Variants in MINAR1 observed in about 807,000 individuals in gnomAD.
MINAR1 encodes major intrinsically disordered Notch2-binding receptor 1.
In MINAR1, 40 loss-of-function variants were observed where a neutral mutation model predicts 65.1. The ratio of observed to expected loss-of-function variants is 0.61; its 90% CI spans 0.48 to 0.80. The LOEUF is 0.80. MINAR1 is among the 30% of genes least tolerant of loss of function. MINAR1 has a pLI of 0.00. For missense variants in MINAR1, 1,128 were observed against 1,148.0 expected, an observed-to-expected ratio of 0.98 and a Z score of 0.25; for synonymous variants, 482 against 449.1, an observed-to-expected ratio of 1.07 and a Z score of -0.93.
chr15:79,462,234 A>G (rs1323026623), intron 2 of MINAR1, among the ~76,000 whole-genome samples: 1 of 152,172 alleles, frequency 6.6e-6, no homozygotes, highest in African/African-American at 2.4e-5. Context: ...TTAGCAGAGG[A>G]GCCAGATGGG....
chr15:79,423,147 A>G, the MINAR1 span: 1 of 152,258 alleles, frequency 6.6e-6, no homozygotes, highest in African/African-American at 2.4e-5. Flanking sequence ...ACCATAAAAC[A>G]TAAGATAACT....
chr15:79,472,012 A>C lies in MINAR1; in HGVS notation c.*3628A>C, dbSNP rs1004685009. ...CAACAAACTTCCTTATTTATGCCTT[A>C]TGAATAAAAGAGTGTGGAATGTAAG... is the stretch of plus-strand genomic sequence containing the variant. On this transcript the variant is annotated 3_prime_UTR_variant, in exon 4 of 4. Transcript: ENST00000305428. 1.3e-5 allele frequency: 2 copies of C among 152,234 alleles called. 1 individual carries two copies. The highest frequency in any genetic ancestry group is 4.1e-4 in the South Asian group (2 of 4,826). 9.4% of individuals were successfully genotyped at this position (152,234 alleles called of 1,614,324 possible).
At chr15:79,444,104 C>T (rs896010823) in intron 1 of MINAR1, among the ~76,000 whole-genome samples, 9 of 152,174 alleles carry the variant, frequency 5.9e-5, no homozygotes, top group African/African-American at 2.2e-4. Flanking sequence ...CCCGGGTTCA[C>T]ACATGCCTTA....
At chr15:79,462,782 T>C (rs1044818704) in intron 2 of MINAR1, among the ~76,000 whole-genome samples, 18 of 152,232 alleles carry the variant, frequency 1.2e-4, no homozygotes, top group African/African-American at 4.1e-4. Flanking sequence ...TCCATTTTCC[T>C]ACCTGTACAA....
Position 79,457,768 on chromosome 15 carries a change from T to C in MINAR1, c.1621T>C (p.Cys541Arg), listed in dbSNP as rs377131236. 16 of 1,614,076 alleles carry C rather than the reference T, an allele frequency of 9.9e-6. No homozygotes were observed. In the African/African-American group the frequency reaches 2.0e-4, roughly 20 times the overall value. The stretch of plus-strand genomic sequence containing the variant: ...CTCCACGGGAGTGATACAGTCGTCC[T>C]GCTACAACAGCACAGGATCCTTGTC... ...SGSTGVIQSS[C>R]YNSTGSLSQL... The change falls in exon 2 of 4, where the codon TGC (cysteine) becomes CGC (arginine). Residue 541 changes from cysteine to arginine, a missense_variant. Cys to Arg is a radical substitution (Grantham distance 180). Coordinates refer to ENST00000305428, the MANE Select transcript of MINAR1 (RefSeq NM_015206.3).
At chr15:79,431,323 C>A (rs1894430091), upstream of MINAR1, among the ~76,000 whole-genome samples, 1 of 152,132 alleles carries the variant, frequency 6.6e-6, no homozygotes, top group African/African-American at 2.4e-5. Context: ...CGTGAGCTTC[C>A]CCAGCCACAG....
chr15:79,458,497 G>A (rs74625442), intron 2 of MINAR1, 52 bp downstream of exon 2: 20,390 of 1,568,074 alleles, frequency 0.013, 184 homozygotes, highest in Middle Eastern at 0.023. Context: ...TCATAGCCCT[G>A]GTGTATTTCA....
At chr15:79,442,812 A>T (rs781429716) in intron 1 of MINAR1, among the ~76,000 whole-genome samples, 1 of 152,164 alleles carries the variant, frequency 6.6e-6, no homozygotes, top group Non-Finnish European at 1.5e-5. Context: ...AAATTAAGAA[A>T]AGTACATAAA....
At chr15:79,448,490 C>G (rs927172872) in intron 1 of MINAR1, among the ~76,000 whole-genome samples, 1 of 152,166 alleles carries the variant, frequency 6.6e-6, no homozygotes, top group African/African-American at 2.4e-5. Flanking sequence ...ATCACAGTAG[C>G]AACCACCATC....
chr15:79,462,644 T>G (rs774900500), intron 2 of MINAR1, among the ~76,000 whole-genome samples: 5 of 152,080 alleles, frequency 3.3e-5, no homozygotes, highest in Non-Finnish European at 7.4e-5. Context: ...CCGTGCAAAA[T>G]GGTGAAAGAA....
chr15:79,452,967 G>C (rs1895285482), intron 1 of MINAR1, among the ~76,000 whole-genome samples: 1 of 151,666 alleles, frequency 6.6e-6, no homozygotes, highest in African/African-American at 2.4e-5. Context: ...CTGTGTGAAT[G>C]TGAAGCTGCC....
chr15:79,457,365 A>G lies in MINAR1; in HGVS notation c.1218A>G (p.Pro406=), dbSNP rs1895469623. The G allele has an allele frequency of 6.2e-7, 1 of 1,614,074 alleles. No homozygotes were observed. Among genetic ancestry groups the G allele is most frequent in the Non-Finnish European group, 8.5e-7 (1 of 1,180,038 alleles). Reference sequence around the variant, plus strand: ...CCAGTAGCCAGACCCCCAATTTCCCAGCCCCAGAAAGGCGCCCAACTTACC... The same window carrying G: ...CCAGTAGCCAGACCCCCAATTTCCCGGCCCCAGAAAGGCGCCCAACTTACC... ...PNASSQTPNF[P]APERRPTYLV... The change falls in exon 2 of 4, where the codon CCA becomes CCG. Residue 406 remains proline (P), a synonymous_variant. Coordinates refer to ENST00000305428, the MANE Select transcript of MINAR1 (RefSeq NM_015206.3).
intron 1 of MINAR1, among the ~76,000 whole-genome samples, chr15:79,448,250 A>G (rs545819852): frequency 6.6e-6 from 1 of 152,344 alleles, no homozygotes; most frequent in East Asian, 1.9e-4. Flanking sequence ...AGGGCTTTGC[A>G]CTAGGGTTGA....
At position 79,457,569 on chromosome 15, in the gene MINAR1, G is replaced by A; in HGVS notation, c.1422G>A (p.Val474=). The A allele has an allele frequency of 6.2e-7, 1 of 1,614,134 alleles. No homozygotes were observed. Residue 474 remains valine (V), a synonymous_variant, in exon 2 of 4, where the codon GTG becomes GTA. Coordinates refer to ENST00000305428, the MANE Select transcript of MINAR1 (RefSeq NM_015206.3). ...AGCTCAGCTCAGACACCAGTAGCGT[G>A]GGCACCCAGACTGAGCACGTGCTGG... The part of the protein sequence containing the change: ...SGQLSSDTSS[V]GTQTEHVLEP...
Position 79,469,611 on chromosome 15 carries a change from A to ATAAC in MINAR1, c.*1229_*1232dup, listed in dbSNP as rs1896003268. The ATAAC allele has an allele frequency of 6.5e-6, 1 of 152,702 alleles. No individual in the cohort carries two copies. Among genetic ancestry groups the ATAAC allele is most frequent in the African/African-American group, 2.4e-5 (1 of 41,548 alleles). 9.5% of individuals were successfully genotyped at this position (152,702 alleles called of 1,614,324 possible). On this transcript the variant is annotated 3_prime_UTR_variant, in exon 4 of 4. Coordinates refer to ENST00000305428, the MANE Select transcript of MINAR1 (RefSeq NM_015206.3). ...TTTTATTTATTGTCTTCTCTGTTAA[A>ATAAC]TAACTTGAGAGCAAGGTTTCTTTCG...
intron 1 of MINAR1, among the ~76,000 whole-genome samples, chr15:79,439,696 A>G (rs1894814854): frequency 6.6e-6 from 1 of 151,820 alleles, no homozygotes; most frequent in Non-Finnish European, 1.5e-5. Flanking sequence ...TTGCCCCTGC[A>G]GGCATGGCCA....
At chr15:79,424,543 T>G in the MINAR1 span, 1 of 152,226 alleles carries the variant, frequency 6.6e-6, no homozygotes, top group African/African-American at 2.4e-5. Flanking sequence ...AAATCCCTGC[T>G]GCAGCGTGAG....
At chr15:79,412,218 C>T in the MINAR1 span, 2 of 152,338 alleles carry the variant, frequency 1.3e-5, no homozygotes, top group African/African-American at 2.4e-5. Flanking sequence ...GCCATCCCCC[C>T]CAATCACTGC....
chr15:79,444,799 A>T (rs549074097), intron 1 of MINAR1, among the ~76,000 whole-genome samples: 1 of 151,954 alleles, frequency 6.6e-6, no homozygotes, highest in South Asian at 2.1e-4. Flanking sequence ...CAGGATATAA[A>T]TTCATTTTTT....
Sources: gnomAD v4.1 joint callset for allele counts (sites outside exome capture counted in the v4.1 genomes callset) on GRCh38, gnomAD v4.1.1 for gene constraint, MANE v1.5 for transcripts, NCBI Gene and HGNC (gene_info 2026-07-23, HGNC 2026-07-21) for gene names.